Variants in CYSLTR2 observed in about 807,000 individuals in gnomAD.
CYSLTR2 encodes G-protein coupled receptor GPCR21.
For missense variants in CYSLTR2, 398 were observed against 411.9 expected, an observed-to-expected ratio of 0.97 and a Z score of 0.29; for synonymous variants, 179 against 160.8, an observed-to-expected ratio of 1.11 and a Z score of -0.86.
intron 1 of CYSLTR2, among the ~76,000 whole-genome samples, chr13:48,679,284 A>G (rs1953685674): frequency 6.6e-6 from 1 of 152,072 alleles, no homozygotes; most frequent in African/African-American, 2.4e-5. Flanking sequence ...CCTCCCCTGC[A>G]TTCTCATAGC....
intron 1 of CYSLTR2, among the ~76,000 whole-genome samples, chr13:48,658,458 A>G (rs1033891568): frequency 2.0e-4 from 30 of 152,240 alleles, no homozygotes; most frequent in African/African-American, 7.2e-4. Flanking sequence ...TGATCTGAGC[A>G]CATTCATGTG....
chr13:48,703,677 A>G (rs1386087784), intron 4 of CYSLTR2, among the ~76,000 whole-genome samples: 2 of 152,158 alleles, frequency 1.3e-5, no homozygotes, highest in African/African-American at 2.4e-5. Context: ...ATATTCATCC[A>G]TAGTCTTTTG....
At chr13:48,684,467 A>G (rs1186173689) in intron 1 of CYSLTR2, among the ~76,000 whole-genome samples, 1 of 151,670 alleles carries the variant, frequency 6.6e-6, no homozygotes, top group Non-Finnish European at 1.5e-5. Flanking sequence ...CCTTATGTGA[A>G]TGTGAGAGTT....
intron 1 of CYSLTR2, among the ~76,000 whole-genome samples, chr13:48,688,144 G>A (rs1270622429): frequency 6.6e-6 from 1 of 152,166 alleles, no homozygotes; most frequent in East Asian, 1.9e-4. Flanking sequence ...GTGCAATGGT[G>A]CAATCATGGC....
intron 1 of CYSLTR2, among the ~76,000 whole-genome samples, chr13:48,663,030 G>A (rs1341454986): frequency 6.6e-6 from 1 of 152,088 alleles, no homozygotes; most frequent in Non-Finnish European, 1.5e-5. Context: ...TTTGTAGAGT[G>A]AGAGGTTTGG....
chr13:48,675,469 G>C (rs554445458), intron 1 of CYSLTR2, among the ~76,000 whole-genome samples: 3 of 152,266 alleles, frequency 2.0e-5, no homozygotes, highest in Admixed American at 6.5e-5. Context: ...CCAAGCCTCA[G>C]TAATGGTGGA....
chr13:48,659,131 G>T (rs9595952), intron 1 of CYSLTR2, among the ~76,000 whole-genome samples: 2 of 151,888 alleles, frequency 1.3e-5, no homozygotes, highest in Non-Finnish European at 2.9e-5. Context: ...ACACTGGGCA[G>T]CAGGACAAGC....
At chr13:48,658,641 C>T (rs1953055438) in intron 1 of CYSLTR2, among the ~76,000 whole-genome samples, 1 of 152,166 alleles carries the variant, frequency 6.6e-6, no homozygotes, top group South Asian at 2.1e-4. Flanking sequence ...TCAGAGAAGA[C>T]TTTTTCTGAA....
chr13:48,700,553 C>T (rs1437093197), intron 4 of CYSLTR2, among the ~76,000 whole-genome samples: 1 of 152,178 alleles, frequency 6.6e-6, no homozygotes, highest in Non-Finnish European at 1.5e-5. Flanking sequence ...AACCCACAGC[C>T]AATATCATAC....
chr13:48,677,494 A>G (rs1244637573), intron 1 of CYSLTR2, among the ~76,000 whole-genome samples: 2 of 152,138 alleles, frequency 1.3e-5, no homozygotes, highest in Admixed American at 1.3e-4. Flanking sequence ...ACAGAGTGGG[A>G]AGGTTGAGAG....
chr13:48,663,434 T>C (rs1408085414), intron 1 of CYSLTR2, among the ~76,000 whole-genome samples: 1 of 152,192 alleles, frequency 6.6e-6, no homozygotes, highest in Non-Finnish European at 1.5e-5. Flanking sequence ...TTGAATAGTG[T>C]TGTCATTTTG....
At chr13:48,684,282 G>C (rs1021757444) in intron 1 of CYSLTR2, among the ~76,000 whole-genome samples, 2 of 152,010 alleles carry the variant, frequency 1.3e-5, no homozygotes, top group African/African-American at 4.8e-5. Flanking sequence ...AATAGGCTTT[G>C]AGTAAAGGAG....
chr13:48,657,778 G>A (rs189533455), intron 1 of CYSLTR2, among the ~76,000 whole-genome samples: 1 of 150,426 alleles, frequency 6.6e-6, no homozygotes. Flanking sequence ...GTATTTGAAG[G>A]CATCCTAGAT....
chr13:48,697,774 A>C lies in CYSLTR2; in HGVS notation c.-2+1148A>C, dbSNP rs141712945. Among the ~76,000 whole-genome samples, 12 of 152,340 alleles carry C rather than the reference A, an allele frequency of 7.9e-5. No homozygotes were observed. The East Asian group carries it at 2.3e-3, about 29-fold the overall frequency. ...CAAAGAAGCTAAAAACCTTGAAAAAAGATTAGACAAATAGCTAACTAGAAT... is the reference window on the plus strand; with the variant it reads ...CAAAGAAGCTAAAAACCTTGAAAAACGATTAGACAAATAGCTAACTAGAAT... On this transcript the variant is annotated intron_variant, in intron 4 of 4. Transcript: ENST00000682523.
At chr13:48,684,640 A>T (rs1953850008) in intron 1 of CYSLTR2, among the ~76,000 whole-genome samples, 1 of 152,110 alleles carries the variant, frequency 6.6e-6, no homozygotes, top group Admixed American at 6.5e-5. Context: ...CAACAACTCT[A>T]TGAAATAGAT....
At chr13:48,701,911 G>T (rs967669949) in intron 4 of CYSLTR2, among the ~76,000 whole-genome samples, 2 of 152,112 alleles carry the variant, frequency 1.3e-5, no homozygotes, top group African/African-American at 4.8e-5. Context: ...CCATTACTGG[G>T]CATATACCCA....
At chr13:48,693,779 T>C (rs1248865577) in intron 3 of CYSLTR2, among the ~76,000 whole-genome samples, 1 of 152,190 alleles carries the variant, frequency 6.6e-6, no homozygotes, top group African/African-American at 2.4e-5. Flanking sequence ...TCCTAAAGTA[T>C]GGAAATAAAA....
At chr13:48,676,589 TAGAAG>T (rs1231740617) in intron 1 of CYSLTR2, among the ~76,000 whole-genome samples, 1 of 152,154 alleles carries the variant, frequency 6.6e-6, no homozygotes, top group Non-Finnish European at 1.5e-5. Context: ...ATGTGAAGTA[TAGAAG>T]AGAAAAGAAT....
chr13:48,657,077 T>A (rs1340546214), intron 1 of CYSLTR2, among the ~76,000 whole-genome samples: 2 of 152,232 alleles, frequency 1.3e-5, no homozygotes, highest in Non-Finnish European at 2.9e-5. Flanking sequence ...TAAACTCCAT[T>A]GAGAATAAAG....
Sources: allele counts gnomAD v4.1 joint callset (sites outside exome capture counted in the v4.1 genomes callset), GRCh38; gene constraint gnomAD v4.1.1; transcripts MANE v1.5; gene names NCBI Gene and HGNC (gene_info 2026-07-23, HGNC 2026-07-21).